Variants in SLC15A2 observed in about 807,000 individuals in gnomAD.
SLC15A2 encodes the protein solute carrier family 15 member 2.
In SLC15A2, 77 loss-of-function variants were observed where a neutral mutation model predicts 95.5. That is an observed-to-expected ratio of 0.81 (90% CI 0.67 to 0.97). SLC15A2 has a LOEUF of 0.97. Among genes scored for constraint, SLC15A2 ranks in the 50% least tolerant of loss-of-function variants. SLC15A2 has a pLI of 0.00. For synonymous variants in SLC15A2, 306 were observed against 306.9 expected (o/e 1.00, Z 0.03); for missense variants, 893 against 874.4 (o/e 1.02, Z -0.27).
At chr3:121,934,866 T>C (rs1255107474) in intron 19 of SLC15A2, among the ~76,000 whole-genome samples, 2 of 151,644 alleles carry the variant, frequency 1.3e-5, no homozygotes, top group African/African-American at 2.4e-5. Context: ...ATGCTTCCAG[T>C]TTTTGCCCAT....
At chr3:121,931,071 C>G in intron 18 of SLC15A2, 121 bp downstream of exon 18, 1 of 629,582 alleles carries the variant, frequency 1.6e-6, no homozygotes, top group Non-Finnish European at 2.8e-6. Flanking sequence ...AGACGCACTA[C>G]TGATCTTTTC....
At chr3:121,906,016 A>T (rs960358501) in intron 3 of SLC15A2, among the ~76,000 whole-genome samples, 1 of 152,178 alleles carries the variant, frequency 6.6e-6, no homozygotes, top group African/African-American at 2.4e-5. Context: ...GACTTGCTTT[A>T]TGAATCTGGG....
chr3:121,910,512 G>T (rs536022875), intron 3 of SLC15A2, among the ~76,000 whole-genome samples: 6 of 152,018 alleles, frequency 3.9e-5, no homozygotes, highest in Non-Finnish European at 8.8e-5. Context: ...CTTCTTGTCC[G>T]CTACCCGCCA....
rs773867721 is a variant in SLC15A2 at position 121,897,511 on chromosome 3, C to T, written c.317C>T (p.Ser106Leu). ...ATCCTGGGAGCAGCCATTGCTGACT[C>T]GTGGTTGGGAAAATTCAAGTAAGGA... ...TPILGAAIAD[S>L]WLGKFKTIIY... The change falls in exon 3 of 22, where the codon TCG (serine) becomes TTG (leucine). Residue 106 changes from serine (S) to leucine (L), a missense_variant. Ser to Leu is a moderately radical substitution (Grantham distance 145). Coordinates refer to ENST00000489711, the MANE Select transcript of SLC15A2 (RefSeq NM_021082.4). 5.0e-6 allele frequency: 8 copies of T among 1,613,986 alleles called. No individual in the cohort carries two copies. The highest frequency in any genetic ancestry group is 2.2e-5 in the East Asian group (1 of 44,846).
intron 19 of SLC15A2, among the ~76,000 whole-genome samples, chr3:121,938,047 G>A (rs1301396237): frequency 4.6e-5 from 7 of 151,746 alleles, no homozygotes. Context: ...GTCTGCCCCT[G>A]CTGGGGGGTG....
At chr3:121,938,039 C>G (rs58828437) in intron 19 of SLC15A2, among the ~76,000 whole-genome samples, 3,967 of 149,792 alleles carry the variant, frequency 0.026, 222 homozygotes, top group African/African-American at 0.094. Flanking sequence ...AGGTGTCAGT[C>G]TGCCCCTGCT....
At chr3:121,922,041 G>T (rs1459171564) in intron 7 of SLC15A2, among the ~76,000 whole-genome samples, 179 bp from the exon 8 acceptor site, 4 of 152,170 alleles carry the variant, frequency 2.6e-5, no homozygotes, top group Non-Finnish European at 4.4e-5. Flanking sequence ...TATGAGATTT[G>T]CCAGCCACTC....
chr3:121,914,979 GAT>G (rs1709856307), intron 5 of SLC15A2: 1 of 1,240,754 alleles, frequency 8.1e-7, no homozygotes, highest in Admixed American at 2.9e-5. Context: ...AAGACAGGAA[GAT>G]TATTTTTAAC....
intron 5 of SLC15A2, 22 bp from the exon 6 acceptor site, chr3:121,915,205 T>C (rs1247584870): frequency 2.5e-6 from 4 of 1,577,092 alleles, no homozygotes; most frequent in Non-Finnish European, 3.5e-6. Context: ...ATTGCACTGA[T>C]GATTTATCCT....
chr3:121,902,342 T>A (rs1413872407), intron 3 of SLC15A2, among the ~76,000 whole-genome samples: 5 of 152,086 alleles, frequency 3.3e-5, no homozygotes, highest in African/African-American at 4.8e-5. Flanking sequence ...ATTATTTTTT[T>A]ATTTTAATTT....
At chr3:121,933,740 T>C (rs1352337483) in intron 19 of SLC15A2, among the ~76,000 whole-genome samples, 28 of 152,050 alleles carry the variant, frequency 1.8e-4, no homozygotes, top group Non-Finnish European at 3.5e-4. Flanking sequence ...GTAGTTTCTT[T>C]TGCTGTGCAG....
Position 121,924,393 on chromosome 3 carries a change from T to C in SLC15A2, c.1035+10T>C. 6.2e-7 allele frequency: 1 copy of C among 1,612,140 alleles called. No homozygotes were observed. The highest frequency in any genetic ancestry group is 8.5e-7 in the Non-Finnish European group (1 of 1,178,238). On this transcript the variant is annotated intron_variant, in intron 12 of 21. Transcript: ENST00000489711. ...GCCGGACCAGATGCAGGTATGTGAC[T>C]CTTCTATAGCCATGGGGACTTATTT...
chr3:121,934,067 A>T (rs1341898385), intron 19 of SLC15A2, among the ~76,000 whole-genome samples: 118 of 144,894 alleles, frequency 8.1e-4, no homozygotes, highest in Admixed American at 1.2e-3. Context: ...AAGATCAGAT[A>T]GTTGTAGATA....
At position 121,939,388 on chromosome 3, in the gene SLC15A2, A is replaced by C. The variant is rs780681826; in HGVS notation, c.1801A>C (p.Ile601Leu). The C allele has an allele frequency of 6.3e-7, 1 of 1,579,050 alleles. No individual in the cohort carries two copies. The highest frequency in any genetic ancestry group is 2.4e-5 in the East Asian group (1 of 42,088). The change falls in exon 20 of 22, where the codon ATT becomes CTT. Residue 601 changes from isoleucine (I) to leucine (L), a missense_variant. By Grantham distance (5) the Ile-to-Leu change is conservative (BLOSUM62 2). Transcript: ENST00000489711. ...QGLQAWKIED[I>L]PANKMSIAWQ... ...TCTTCAGGCCTGGAAGATTGAAGAC[A>C]TTCCAGCCAACAAAATGTCCATTGC...
rs1559850372 is a variant in SLC15A2, at chr3:121,925,748, AT to A, written c.1124+716del. On this transcript the variant is annotated intron_variant, in intron 13 of 21. Transcript: ENST00000489711. Reference sequence around the variant, plus strand: ...AGACTATATATATATATATATATATATATATATATATATATATATATATATA... The same window carrying A: ...AGACTATATATATATATATATATATAATATATATATATATATATATATATA... 2.7e-5 allele frequency among the ~76,000 whole-genome samples: 2 copies of A among 73,080 alleles called. 1 individual carries two copies. Among genetic ancestry groups the A allele is most frequent in the African/African-American group, 1.3e-4 (2 of 15,970 alleles). The allele number at this position is 73,080 out of a possible 152,430, so 47.9% of individuals were successfully genotyped here.
intron 3 of SLC15A2, among the ~76,000 whole-genome samples, chr3:121,906,706 T>C (rs1348677106): frequency 2.0e-5 from 3 of 152,250 alleles, no homozygotes; most frequent in Non-Finnish European, 4.4e-5. Flanking sequence ...TTCTGGCTTG[T>C]AGGGTTTCTG....
At position 121,941,721 on chromosome 3, in the gene SLC15A2, T is replaced by G. The variant is rs1710466774; in HGVS notation, c.*714T>G. 1 of 152,242 alleles carries G rather than the reference T, an allele frequency of 6.6e-6. No individual in the cohort carries two copies. The highest frequency in any genetic ancestry group is 1.5e-5 in the Non-Finnish European group (1 of 68,040). 9.4% of individuals were successfully genotyped at this position (152,242 alleles called of 1,614,324 possible). On this transcript the variant is annotated 3_prime_UTR_variant, in exon 22 of 22. Coordinates refer to ENST00000489711, the MANE Select transcript of SLC15A2 (RefSeq NM_021082.4). ...GATAGTAAGCATTAGTAAACATTGT[T>G]CTGGAGAACAGGAACAGGTGTAAGT...
chr3:121,914,615 A>G (rs989932904), intron 5 of SLC15A2, among the ~76,000 whole-genome samples: 4 of 152,208 alleles, frequency 2.6e-5, no homozygotes, highest in Non-Finnish European at 4.4e-5. Flanking sequence ...TCACTTAGTT[A>G]ATACAGTCAA....
At chr3:121,911,038 G>A (rs986980111) in intron 3 of SLC15A2, among the ~76,000 whole-genome samples, 1 of 152,214 alleles carries the variant, frequency 6.6e-6, no homozygotes, top group Admixed American at 6.5e-5. Context: ...GGCTGAACCT[G>A]AGAGCTTTTT....
Sources: gnomAD v4.1 joint callset for allele counts (sites outside exome capture counted in the v4.1 genomes callset) on GRCh38, gnomAD v4.1.1 for gene constraint, MANE v1.5 for transcripts, NCBI Gene and HGNC (gene_info 2026-07-23, HGNC 2026-07-21) for gene names.